DNAAF5: variants seen among roughly 807,000 people sequenced by gnomAD.
DNAAF5 encodes the protein dynein axonemal assembly factor 5.
A neutral mutation model predicts 75.8 loss-of-function variants in DNAAF5; 64 were observed. The ratio of observed to expected loss-of-function variants is 0.84; its 90% confidence interval spans 0.69 to 1.04. DNAAF5 has a LOEUF of 1.04. Among genes scored for constraint, DNAAF5 ranks in the 50% least tolerant of loss-of-function variants. The probability of loss-of-function intolerance (pLI) is 0.00; values close to 1 mark genes in which losing one functional copy is unlikely to be tolerated. For synonymous variants in DNAAF5, 657 were observed against 557.2 expected (o/e 1.18, Z -2.52); for missense variants, 1,269 against 1,178.5 (o/e 1.08, Z -1.12).
intron 9 of DNAAF5, 73 bp downstream of exon 9, chr7:770,691 C>T: frequency 6.9e-7 from 1 of 1,442,340 alleles, no homozygotes; most frequent in Non-Finnish European, 9.5e-7. Flanking sequence ...CCCTCCCCAA[C>T]AGCTCACTGA....
intron 5 of DNAAF5, among the ~76,000 whole-genome samples, chr7:755,206 G>A (rs1266880892): frequency 6.6e-6 from 1 of 152,208 alleles, no homozygotes; most frequent in Non-Finnish European, 1.5e-5. Flanking sequence ...AGGCCTCGCA[G>A]GGGCTGTGGG....
At position 785,549 on chromosome 7, in the gene DNAAF5, G is replaced by C; in HGVS notation, c.2464G>C (p.Asp822His). The change falls in exon 13 of 13, where the codon GAT becomes CAT. Residue 822 changes from aspartate to histidine, a missense_variant. Transcript: ENST00000297440. ...VLKEGSGLFPDLLVRETEAVI... is the reference protein window; with the variant it reads ...VLKEGSGLFPHLLVRETEAVI... ...CAAAGAGGGCAGCGGGCTGTTCCCAGATCTCCTGGTGAGGGAGACGGAGGC... is the reference window on the plus strand; with the variant it reads ...CAAAGAGGGCAGCGGGCTGTTCCCACATCTCCTGGTGAGGGAGACGGAGGC... The C allele has an allele frequency of 6.2e-7, 1 of 1,613,734 alleles. No homozygotes were observed. Among genetic ancestry groups the C allele is most frequent in the Non-Finnish European group, 8.5e-7 (1 of 1,180,020 alleles).
intron 2 of DNAAF5, among the ~76,000 whole-genome samples, chr7:730,245 G>A (rs1313090984): frequency 6.6e-6 from 1 of 152,090 alleles, no homozygotes. Context: ...TAATTATGTC[G>A]TTGGGCTTTG....
At chr7:777,298 G>A (rs1009602374) in intron 11 of DNAAF5, among the ~76,000 whole-genome samples, 22 of 152,104 alleles carry the variant, frequency 1.4e-4, no homozygotes, top group African/African-American at 5.3e-4. Flanking sequence ...TCAGAACACC[G>A]AAGACCCGGC....
chr7:776,389 C>A (rs1778761481), intron 11 of DNAAF5, among the ~76,000 whole-genome samples: 1 of 152,124 alleles, frequency 6.6e-6, no homozygotes, highest in Admixed American at 6.5e-5. Flanking sequence ...CAAGTTGGTA[C>A]TATGAGAACA....
intron 10 of DNAAF5, among the ~76,000 whole-genome samples, chr7:774,793 G>C (rs539469790): frequency 6.6e-6 from 1 of 152,336 alleles, no homozygotes; most frequent in South Asian, 2.1e-4. Context: ...CCTCACCTAG[G>C]AGTTGTGAAC....
intron 8 of DNAAF5, among the ~76,000 whole-genome samples, chr7:765,116 G>C (rs1004761647): frequency 6.6e-6 from 1 of 152,184 alleles, no homozygotes; most frequent in Non-Finnish European, 1.5e-5. Context: ...GCAAGGCCCT[G>C]TCTCTAAAAC....
At chr7:779,717 A>C (rs1035155661) in intron 11 of DNAAF5, among the ~76,000 whole-genome samples, 1 of 152,144 alleles carries the variant, frequency 6.6e-6, no homozygotes, top group African/African-American at 2.4e-5. Context: ...AGGTTATTAC[A>C]GGGGCCGCAG....
intron 9 of DNAAF5, 151 bp downstream of exon 9, chr7:770,769 C>A: frequency 1.4e-6 from 1 of 738,096 alleles, no homozygotes; most frequent in Non-Finnish European, 2.1e-6. Context: ...CCCTCCCCCA[C>A]ACTGAGTCAA....
At chr7:783,567 C>G (rs1038630645) in intron 12 of DNAAF5, among the ~76,000 whole-genome samples, 1 of 152,320 alleles carries the variant, frequency 6.6e-6, no homozygotes, top group African/African-American at 2.4e-5. Flanking sequence ...GCCCCAGAGC[C>G]CATTGATCCA....
intron 2 of DNAAF5, 51 bp from the exon 3 acceptor site, chr7:740,768 C>T: frequency 6.2e-7 from 1 of 1,606,380 alleles, no homozygotes; most frequent in Non-Finnish European, 8.5e-7. Flanking sequence ...GGCGTCAGCC[C>T]CGGCATCCCC....
intron 6 of DNAAF5, among the ~76,000 whole-genome samples, chr7:758,145 C>T (rs764638100): frequency 9.9e-5 from 15 of 152,224 alleles, no homozygotes; most frequent in Admixed American, 2.0e-4. Flanking sequence ...AACACATCAT[C>T]GAATGTGTGT....
chr7:773,803 C>T (rs1778655568), intron 9 of DNAAF5, among the ~76,000 whole-genome samples: 1 of 152,096 alleles, frequency 6.6e-6, no homozygotes, highest in Non-Finnish European at 1.5e-5. Flanking sequence ...GAGAACAGGA[C>T]CTACGCGGGC....
chr7:730,387 G>A (rs747405628), intron 2 of DNAAF5, among the ~76,000 whole-genome samples: 1 of 152,172 alleles, frequency 6.6e-6, no homozygotes, highest in Non-Finnish European at 1.5e-5. Flanking sequence ...TTGCTAAAAT[G>A]CTACACACTG....
rs1177831956 is a variant in DNAAF5, at chr7:774,310, A to T, written c.2082+112A>T. On this transcript the variant is annotated intron_variant, in intron 10 of 12. Transcript: ENST00000297440. Reference sequence around the variant, plus strand: ...TTGGGCAGGCAGCAGCTGCACCTCCACCTGGGGCCCGTACCCCAAGAGGCT... The same window carrying T: ...TTGGGCAGGCAGCAGCTGCACCTCCTCCTGGGGCCCGTACCCCAAGAGGCT... 16 of 1,150,948 alleles carry T rather than the reference A, an allele frequency of 1.4e-5. No individual in the cohort carries two copies. In the East Asian group the frequency reaches 4.2e-4, roughly 30 times the overall value. The allele number at this position is 1,150,948 out of a possible 1,614,324, so 71.3% of individuals were successfully genotyped here.
chr7:746,998 C>G (rs892605341), intron 4 of DNAAF5, among the ~76,000 whole-genome samples: 2 of 152,254 alleles, frequency 1.3e-5, no homozygotes, highest in East Asian at 3.8e-4. Context: ...GCGTGAGTCA[C>G]GTTCCCTCCC....
chr7:762,160 C>G (rs1562391221), intron 7 of DNAAF5, among the ~76,000 whole-genome samples: 1 of 152,180 alleles, frequency 6.6e-6, no homozygotes. Context: ...TAAGACGTAA[C>G]CTTTAAACCT....
At chr7:740,604 G>A (rs752780503) in intron 2 of DNAAF5, among the ~76,000 whole-genome samples, 23 of 152,308 alleles carry the variant, frequency 1.5e-4, no homozygotes, top group East Asian at 5.8e-4. Context: ...AGGGACTGGC[G>A]GAGCTGGCCG....
Position 729,701 on chromosome 7 carries a change from CT to C in DNAAF5, c.635del (p.Leu212ArgfsTer23). The C allele has an allele frequency of 6.2e-7, 1 of 1,614,100 alleles. No homozygotes were observed. Among genetic ancestry groups the C allele is most frequent in the Non-Finnish European group, 8.5e-7 (1 of 1,180,030 alleles). ...HMQSESLIGP[L>X]MQTISHQHWK... Reference sequence around the variant, plus strand: ...GCAGTCGGAGTCTCTGATCGGGCCCCTGATGCAGACCATCTCCCACCAGCAC... The same window carrying C: ...GCAGTCGGAGTCTCTGATCGGGCCCCGATGCAGACCATCTCCCACCAGCAC... On this transcript the variant is annotated frameshift_variant, in exon 2 of 13. Coordinates refer to ENST00000297440, the MANE Select transcript of DNAAF5 (RefSeq NM_017802.4). LOFTEE classifies it high-confidence loss of function.
Sources: allele counts gnomAD v4.1 joint callset (sites outside exome capture counted in the v4.1 genomes callset), GRCh38; gene constraint gnomAD v4.1.1; transcripts MANE v1.5; gene names NCBI Gene and HGNC (gene_info 2026-07-23, HGNC 2026-07-21).